DSCAM: variants seen among roughly 807,000 people sequenced by gnomAD.
The protein encoded by DSCAM is DS cell adhesion molecule.
In DSCAM, 47 loss-of-function variants were observed where a neutral mutation model predicts 217.7. The observed-to-expected ratio is 0.22, with a 90% confidence interval of 0.17 to 0.28. The LOEUF is 0.28. Ranked by LOEUF, DSCAM falls within the 10% of genes least tolerant of loss-of-function variation. DSCAM has a pLI of 1.00. For synonymous variants in DSCAM, 1,056 were observed against 1,015.3 expected, an observed-to-expected ratio of 1.04 and a Z score of -0.76; for missense variants, 2,080 against 2,618.3, an observed-to-expected ratio of 0.79 and a Z score of 4.49.
intron 1 of DSCAM, among the ~76,000 whole-genome samples, chr21:40,719,127 A>AAC (rs111670493): frequency 0.027 from 4,009 of 151,176 alleles, 177 homozygotes; most frequent in African/African-American, 0.088. Flanking sequence ...AAAGAAGAAA[A>AAC]ACACACACAC....
intron 11 of DSCAM, among the ~76,000 whole-genome samples, chr21:40,273,020 A>G (rs1213206040): frequency 1.3e-5 from 2 of 152,138 alleles, no homozygotes; most frequent in Non-Finnish European, 2.9e-5. Flanking sequence ...ATACCTCCCC[A>G]TGGGCCATGG....
chr21:40,296,492 A>G (rs959800276), intron 9 of DSCAM, among the ~76,000 whole-genome samples: 3 of 152,200 alleles, frequency 2.0e-5, no homozygotes, highest in African/African-American at 7.2e-5. Context: ...TATCAAAAAT[A>G]TACAGAAATT....
At chr21:40,326,756 A>G (rs890738023) in intron 8 of DSCAM, among the ~76,000 whole-genome samples, 2 of 152,120 alleles carry the variant, frequency 1.3e-5, no homozygotes, top group Non-Finnish European at 2.9e-5. Flanking sequence ...GTCTAGAAAA[A>G]TGTGGGGTAC....
chr21:40,065,286 GCAAATTTGGAAT>G (rs2089190829), intron 27 of DSCAM, among the ~76,000 whole-genome samples: 1 of 152,036 alleles, frequency 6.6e-6, no homozygotes, highest in Non-Finnish European at 1.5e-5. Flanking sequence ...CTGTTCAGAG[GCAAATTTGGAAT>G]CAAATTTGGA....
intron 1 of DSCAM, among the ~76,000 whole-genome samples, chr21:40,805,505 C>T (rs1208880748): frequency 5.3e-5 from 8 of 152,128 alleles, no homozygotes; most frequent in Non-Finnish European, 1.0e-4. Context: ...CCCAATGAAC[C>T]TACTTAGCTT....
At chr21:40,441,205 T>C (rs36040346) in intron 3 of DSCAM, among the ~76,000 whole-genome samples, 3,129 of 152,264 alleles carry the variant, frequency 0.021, 42 homozygotes, top group Middle Eastern at 0.041. Flanking sequence ...CAGGATCATC[T>C]TTCTTGAGAG....
Position 40,083,802 on chromosome 21 carries a change from G to C in DSCAM, c.4231+106C>G, listed in dbSNP as rs2089494843. 8 of 736,920 alleles carry C rather than the reference G, an allele frequency of 1.1e-5. No individual in the cohort carries two copies. In the South Asian group the frequency reaches 1.8e-4, roughly 17 times the overall value. The allele number at this position is 736,920 out of a possible 1,614,324, so 45.6% of individuals were successfully genotyped here. On this transcript the variant is annotated intron_variant, in intron 24 of 32. Coordinates refer to ENST00000400454, the MANE Select transcript of DSCAM (RefSeq NM_001389.5). ...GATTGTTTATATGACGTATTTTTGG[G>C]GGAGAATAAAGTAACACATACCAGT...
chr21:40,390,108 G>A (rs2075120665), intron 3 of DSCAM, among the ~76,000 whole-genome samples: 1 of 152,198 alleles, frequency 6.6e-6, no homozygotes, highest in South Asian at 2.1e-4. Context: ...AGAGGCTGGA[G>A]CTGTCTCAGC....
At chr21:40,033,174 A>T (rs934181809) in intron 32 of DSCAM, among the ~76,000 whole-genome samples, 1 of 152,142 alleles carries the variant, frequency 6.6e-6, no homozygotes, top group African/African-American at 2.4e-5. Context: ...GGGAGGAGCC[A>T]AGATGGCCGA....
At chr21:40,330,284 ATAT>A (rs1459006027) in intron 8 of DSCAM, among the ~76,000 whole-genome samples, 2 of 147,514 alleles carry the variant, frequency 1.4e-5, no homozygotes, top group African/African-American at 2.5e-5. Flanking sequence ...TATATTTATT[ATAT>A]TATATGCATA....
chr21:40,551,595 T>C (rs1347239811), intron 3 of DSCAM, among the ~76,000 whole-genome samples: 1 of 152,166 alleles, frequency 6.6e-6, no homozygotes, highest in Non-Finnish European at 1.5e-5. Context: ...TAGGGATTCC[T>C]TACAGGTGCA....
intron 1 of DSCAM, among the ~76,000 whole-genome samples, chr21:40,773,803 G>A (rs2091466317): frequency 1.3e-5 from 2 of 152,314 alleles, no homozygotes; most frequent in Admixed American, 6.5e-5. Flanking sequence ...CTTTAAACAA[G>A]GCAAGTGTGA....
rs533375583 is a variant in DSCAM, at chr21:40,061,328, G to A, written c.4919+1541C>T. ...TCATGCCTGTAATCCCAGCATTTTG[G>A]GAGGCTGAGGCGGGAGAATTGCCTC... On this transcript the variant is annotated intron_variant, in intron 28 of 32. Transcript: ENST00000400454. 2.6e-5 allele frequency among the ~76,000 whole-genome samples: 4 copies of A among 152,152 alleles called. No homozygotes were observed. In the South Asian group the frequency reaches 6.2e-4, roughly 24 times the overall value.
At chr21:40,068,438 T>C (rs148563765) in intron 27 of DSCAM, among the ~76,000 whole-genome samples, 169 of 152,038 alleles carry the variant, frequency 1.1e-3, no homozygotes, top group Non-Finnish European at 1.4e-3. Context: ...CCTCTCTCTG[T>C]ATATAATATA....
chr21:40,397,843 A>G (rs1480628266), intron 3 of DSCAM, among the ~76,000 whole-genome samples: 4 of 151,948 alleles, frequency 2.6e-5, no homozygotes, highest in African/African-American at 9.7e-5. Flanking sequence ...TACTACCACT[A>G]ATACTACCAC....
intron 3 of DSCAM, among the ~76,000 whole-genome samples, chr21:40,460,125 T>TGG (rs1397588105): frequency 6.6e-6 from 1 of 152,106 alleles, no homozygotes; most frequent in African/African-American, 2.4e-5. Flanking sequence ...TGGGGACTGT[T>TGG]GGTGGCATTG....
intron 16 of DSCAM, among the ~76,000 whole-genome samples, chr21:40,163,587 T>C (rs891350484): frequency 6.6e-6 from 1 of 151,962 alleles, no homozygotes; most frequent in Admixed American, 6.5e-5. Flanking sequence ...GACATCATAA[T>C]ATAGCCTATA....
At chr21:40,391,412 G>T (rs888489390) in intron 3 of DSCAM, among the ~76,000 whole-genome samples, 4 of 152,210 alleles carry the variant, frequency 2.6e-5, no homozygotes, top group Admixed American at 6.5e-5. Flanking sequence ...TACGTGCAAA[G>T]AATGCAGATT....
chr21:40,148,765 G>A (rs1003573719), intron 16 of DSCAM, among the ~76,000 whole-genome samples: 2 of 151,850 alleles, frequency 1.3e-5, no homozygotes, highest in Non-Finnish European at 2.9e-5. Context: ...CTTCATCTCT[G>A]TCAAAAATAC....
Sources: gnomAD v4.1 joint callset for allele counts (sites outside exome capture counted in the v4.1 genomes callset) on GRCh38, gnomAD v4.1.1 for gene constraint, MANE v1.5 for transcripts, NCBI Gene and HGNC (gene_info 2026-07-23, HGNC 2026-07-21) for gene names.